Variants in HGD observed in about 807,000 individuals in gnomAD.
The protein encoded by HGD is homogentisate oxidase.
Under a neutral mutation model 60.8 loss-of-function variants are expected in HGD, and 61 were observed. The ratio of observed to expected loss-of-function variants is 1.00; its 90% CI spans 0.82 to 1.24. The LOEUF (loss-of-function observed/expected upper bound fraction) is 1.24. Among genes scored for constraint, HGD ranks in the 50% most tolerant of loss-of-function variants. HGD has a pLI of 0.00. For synonymous variants in HGD, 212 were observed against 187.7 expected (o/e 1.13, Z -1.06); for missense variants, 542 against 547.1 (o/e 0.99, Z 0.09).
chr3:120,629,037 C>A (rs1940502955), intron 13 of HGD, among the ~76,000 whole-genome samples: 1 of 151,986 alleles, frequency 6.6e-6, no homozygotes, highest in Non-Finnish European at 1.5e-5. Context: ...GGACTCTGAC[C>A]AAGAGATGGG....
At chr3:120,634,594 A>G (rs1460129850) in intron 12 of HGD, among the ~76,000 whole-genome samples, 1 of 152,158 alleles carries the variant, frequency 6.6e-6, no homozygotes, top group Non-Finnish European at 1.5e-5. Context: ...ATTAACAACA[A>G]CAACAACAAC....
intron 13 of HGD, among the ~76,000 whole-genome samples, chr3:120,630,843 T>TACACAC (rs111540631): frequency 0.01 from 1,183 of 116,630 alleles, 15 homozygotes; most frequent in African/African-American, 0.023. Flanking sequence ...CACACACACA[T>TACACAC]ACACACACAC....
intron 4 of HGD, among the ~76,000 whole-genome samples, chr3:120,653,543 G>A (rs1300991363): frequency 1.3e-5 from 2 of 152,214 alleles, no homozygotes; most frequent in Admixed American, 6.5e-5. Flanking sequence ...GATGGGAAAG[G>A]AAGCAGCAAG....
intron 1 of HGD, among the ~76,000 whole-genome samples, chr3:120,676,744 G>T (rs1487085064): frequency 6.6e-6 from 1 of 152,170 alleles, no homozygotes; most frequent in Admixed American, 6.5e-5. Flanking sequence ...TTTAGCCCAG[G>T]ATAATGAAAA....
chr3:120,637,841 C>T (rs1000485579), intron 12 of HGD, among the ~76,000 whole-genome samples: 49 of 152,328 alleles, frequency 3.2e-4, no homozygotes, highest in African/African-American at 9.6e-4. Flanking sequence ...GAACTAGGCT[C>T]AGAATCAATG....
chr3:120,670,331 C>G, intron 4 of HGD, 96 bp downstream of exon 4: 1 of 766,278 alleles, frequency 1.3e-6, no homozygotes, highest in Non-Finnish European at 2.4e-6. Context: ...CTTTAAAAAA[C>G]TATCTATTTT....
intron 4 of HGD, among the ~76,000 whole-genome samples, chr3:120,660,437 A>G (rs1402213514): frequency 6.6e-6 from 1 of 152,216 alleles, no homozygotes; most frequent in African/African-American, 2.4e-5. Flanking sequence ...TTATGTGGAG[A>G]GAAATCAGGC....
intron 9 of HGD, among the ~76,000 whole-genome samples, chr3:120,645,934 T>A (rs1941144019): frequency 6.6e-6 from 1 of 152,236 alleles, no homozygotes. Flanking sequence ...TTCTCATCTC[T>A]TCTGTGGAGC....
intron 8 of HGD, among the ~76,000 whole-genome samples, chr3:120,646,617 T>C (rs914649926): frequency 6.6e-6 from 1 of 151,838 alleles, no homozygotes; most frequent in African/African-American, 2.4e-5. Flanking sequence ...TACCCTCTCA[T>C]TGGGTCCAGA....
rs537764161 is a variant in HGD, at chr3:120,644,465, G to A, written c.650-22C>T. 404 of 1,613,896 alleles carry A rather than the reference G, an allele frequency of 2.5e-4. 3 individuals carry two copies. The South Asian group carries it at 4.2e-3, about 17-fold the overall frequency. On this transcript the variant is annotated intron_variant, in intron 9 of 13. Transcript: ENST00000283871. Reference sequence around the variant, plus strand: ...GCCCCTAGAAAACAGTAACCCAAAAGTCTTTTAGAAACTTCCAAAACATAG... The same window carrying A: ...GCCCCTAGAAAACAGTAACCCAAAAATCTTTTAGAAACTTCCAAAACATAG...
chr3:120,647,784 A>G, intron 7 of HGD, 93 bp downstream of exon 7: 1 of 1,012,212 alleles, frequency 9.9e-7, no homozygotes, highest in Non-Finnish European at 1.6e-6. Flanking sequence ...GACAGATTGG[A>G]GAATGAAGGA....
intron 3 of HGD, among the ~76,000 whole-genome samples, chr3:120,673,796 G>A (rs1202631535): frequency 1.2e-4 from 18 of 152,188 alleles, no homozygotes; most frequent in Admixed American, 1.2e-3. Context: ...CCATGTGCCT[G>A]TGCCAATGTG....
chr3:120,633,411 G>C lies in HGD; in HGVS notation c.1007-83C>G, dbSNP rs1459264118. On this transcript the variant is annotated intron_variant, in intron 12 of 13. Coordinates refer to ENST00000283871, the MANE Select transcript of HGD (RefSeq NM_000187.4). The stretch of plus-strand genomic sequence containing the variant: ...AAGCCCCTTAAACATTATTTCTGCA[G>C]AATTCCAAGAACACAGGAGAAACTA... 4 of 1,610,210 alleles carry C rather than the reference G, an allele frequency of 2.5e-6. No individual in the cohort carries two copies. The East Asian group carries it at 8.9e-5, about 36-fold the overall frequency.
chr3:120,645,895 C>T (rs1941142185), intron 9 of HGD, among the ~76,000 whole-genome samples: 1 of 152,226 alleles, frequency 6.6e-6, no homozygotes, highest in African/African-American at 2.4e-5. Context: ...TCTTTACTCT[C>T]CTCAACTTTT....
intron 13 of HGD, among the ~76,000 whole-genome samples, chr3:120,631,244 A>C (rs1309916601): frequency 6.6e-6 from 1 of 152,176 alleles, no homozygotes; most frequent in Non-Finnish European, 1.5e-5. Context: ...GTTAAAAATA[A>C]ATAAAGAAAT....
At chr3:120,646,023 T>C (rs1941146811) in intron 9 of HGD, among the ~76,000 whole-genome samples, 1 of 152,186 alleles carries the variant, frequency 6.6e-6, no homozygotes, top group African/African-American at 2.4e-5. Context: ...AGAAATCTAT[T>C]ACATGCCGTC....
chr3:120,628,569 G>C (rs747233107), intron 13 of HGD, 40 bp from the exon 14 acceptor site: 34 of 1,604,804 alleles, frequency 2.1e-5, no homozygotes, highest in Non-Finnish European at 1.4e-5. Context: ...AAAGAGGTGA[G>C]ATAGATAATA....
intron 6 of HGD, 86 bp from the exon 7 acceptor site, chr3:120,647,997 C>T: frequency 1.8e-6 from 2 of 1,098,372 alleles, no homozygotes; most frequent in Non-Finnish European, 1.4e-6. Context: ...TTGTTTAGTG[C>T]CTATGTAGCA....
chr3:120,654,120 TAG>T (rs769993281), intron 4 of HGD, among the ~76,000 whole-genome samples: 10 of 152,134 alleles, frequency 6.6e-5, no homozygotes, highest in Non-Finnish European at 1.5e-4. Flanking sequence ...CTTCCTTCTA[TAG>T]TAACAGAGCA....
Sources: gnomAD v4.1 joint callset for allele counts (sites outside exome capture counted in the v4.1 genomes callset) on GRCh38, gnomAD v4.1.1 for gene constraint, MANE v1.5 for transcripts, NCBI Gene and HGNC (gene_info 2026-07-23, HGNC 2026-07-21) for gene names.